Variants in MYCL observed in about 807,000 individuals in gnomAD.
MYCL encodes the protein MYCL proto-oncogene, bHLH transcription factor, also known as protein L-Myc.
A neutral mutation model predicts 31.0 loss-of-function variants in MYCL; 11 were observed. The observed-to-expected ratio is 0.35, with a 90% CI of 0.22 to 0.59. MYCL has a LOEUF of 0.59. Ranked by LOEUF, MYCL falls within the 20% of genes least tolerant of loss-of-function variation. MYCL has a pLI of 0.79. For missense variants in MYCL, 427 were observed against 486.1 expected (o/e 0.88, Z 1.14); for synonymous variants, 208 against 202.4 (o/e 1.03, Z -0.23).
In MYCL at chr1:39,896,081, C is replaced by T. The variant is rs976737023; in HGVS notation, c.*1291G>A. ...TGACTTTCCCAGACTAGAAGCTGCA[C>T]GTGGATTCCACTTGGAGCTGCCGAG... On this transcript the variant is annotated 3_prime_UTR_variant, in exon 2 of 2. Transcript: ENST00000372816. 7.2e-5 allele frequency: 15 copies of T among 208,260 alleles called. No individual in the cohort carries two copies. Among genetic ancestry groups the T allele is most frequent in the African/African-American group, 2.5e-4 (11 of 44,032 alleles). 12.9% of individuals were successfully genotyped at this position (208,260 alleles called of 1,614,324 possible). A position where few individuals can be genotyped will look rare whatever the true frequency, so the allele number is the denominator to read the frequency against.
rs1488633987 is a variant in MYCL at position 39,896,143 on chromosome 1, A to T, written c.*1229T>A. The T allele has an allele frequency of 9.2e-5, 19 of 207,058 alleles. No homozygotes were observed. In the East Asian group the frequency reaches 1.4e-3, roughly 15 times the overall value. The allele number at this position is 207,058 out of a possible 1,614,324, so 12.8% of individuals were successfully genotyped here. A position where few individuals can be genotyped will look rare whatever the true frequency, so the allele number is the denominator to read the frequency against. On this transcript the variant is annotated 3_prime_UTR_variant, in exon 2 of 2. Transcript: ENST00000372816. ...TAAAATCCATCATGGTTGGCTAAGCATATCTCCTGGAGGCTCCTTTAAAAC... is the reference window on the plus strand; with the variant it reads ...TAAAATCCATCATGGTTGGCTAAGCTTATCTCCTGGAGGCTCCTTTAAAAC...
rs1644543404 is a variant in MYCL at position 39,901,776 on chromosome 1, C to G, written c.-342G>C. The stretch of plus-strand genomic sequence containing the variant: ...TGCAGCCAGCCCGCACCGCGGGACC[C>G]GCGCCCGTGCCCTGGCCACCCGCAG... On this transcript the variant is annotated 5_prime_UTR_variant, in exon 1 of 2. Coordinates refer to ENST00000372816, the MANE Select transcript of MYCL (RefSeq NM_001033081.3). The surrounding 1 kb of genome is among the most constrained non-coding windows in gnomAD (Gnocchi z 6.9). The G allele has an allele frequency of 8.0e-7, 1 of 1,242,460 alleles. No homozygotes were observed. Among genetic ancestry groups the G allele is most frequent in the Non-Finnish European group, 1.0e-6 (1 of 986,434 alleles). The allele number at this position is 1,242,460 out of a possible 1,614,324, so 77.0% of individuals were successfully genotyped here.
Position 39,901,872 on chromosome 1 carries a change from C to A in MYCL, c.-438G>T. 1 of 1,209,812 alleles carries A rather than the reference C, an allele frequency of 8.3e-7. No individual in the cohort carries two copies. Among genetic ancestry groups the A allele is most frequent in the South Asian group, 2.5e-5 (1 of 39,244 alleles). 74.9% of individuals were successfully genotyped at this position (1,209,812 alleles called of 1,614,324 possible). A position where few individuals can be genotyped will look rare whatever the true frequency, so the allele number is the denominator to read the frequency against. ...CCGCCGGCTCGGGGCAGCCCGGCAG[C>A]CAGCACACACGCACATGCGCGCCGC... On this transcript the variant is annotated 5_prime_UTR_variant, in exon 1 of 2. Transcript: ENST00000372816. The surrounding 1 kb of genome is among the most constrained non-coding windows in gnomAD (Gnocchi z 6.9).
intron 1 of MYCL, chr1:39,898,670 G>A (rs899886796): frequency 1.0e-6 from 1 of 985,346 alleles, no homozygotes; most frequent in Non-Finnish European, 1.2e-6. Context: ...GGACTAGAAG[G>A]TTAGATTTGT....
chr1:39,897,885 G>T lies in MYCL; in HGVS notation c.582C>A (p.Asp194Glu), dbSNP rs544662303. ...AATGCTTCATGCAGGGATCCAGGGG[G>T]TCTGCTCGCACCGTGATGGTGACCG... Reference protein sequence around the residue: ...RKPVTITVRADPLDPCMKHFH... With the variant: ...RKPVTITVRAEPLDPCMKHFH... The change falls in exon 2 of 2, where the codon GAC becomes GAA. Residue 194 changes from aspartate to glutamate, a missense_variant. Transcript: ENST00000372816. The surrounding 1 kb of genome is among the most constrained non-coding windows in gnomAD (Gnocchi z 4.3). The T allele has an allele frequency of 3.8e-5, 61 of 1,614,158 alleles. No individual in the cohort carries two copies. Among genetic ancestry groups the T allele is most frequent in the Middle Eastern group, 1.6e-4 (1 of 6,062 alleles).
In MYCL at chr1:39,901,069, C is replaced by T. The variant is rs2124719902; in HGVS notation, c.366G>A (p.Pro122=). The change falls in exon 1 of 2, where the codon CCG becomes CCA. Residue 122 remains proline, a synonymous_variant. Transcript: ENST00000372816. This position sits in a 1 kb window ranked among gnomAD's most constrained non-coding sequence, Gnocchi z 6.9. ...RLAPGAPRGN[P]PKASAAPDCT... ...AGTCCGGGGCGGCGGACGCCTTGGG[C>T]GGGTTCCCCCGGGGCGCGCCAGGAG... The T allele has an allele frequency of 1.9e-6, 3 of 1,560,436 alleles. No homozygotes were observed. The highest frequency in any genetic ancestry group is 2.4e-5 in the South Asian group (2 of 84,976).
chr1:39,900,955 C>T lies in MYCL; in HGVS notation c.480G>A (p.Glu160=). ...GGTCCTTACCCGAGTCGCTTGGGCT[C>T]TCGGACCCGGAGCAGGCCTGGGTCT... ...EPKTQACSGS[E]SPSDSENEEI... is the part of the protein sequence containing the mutation. The change falls in exon 1 of 2, where the codon GAG becomes GAA. Residue 160 remains glutamate (E), a synonymous_variant. Coordinates refer to ENST00000372816, the MANE Select transcript of MYCL (RefSeq NM_001033081.3). The T allele has an allele frequency of 3.3e-6, 5 of 1,496,478 alleles. No homozygotes were observed. Among genetic ancestry groups the T allele is most frequent in the Non-Finnish European group, 4.4e-6 (5 of 1,124,022 alleles). 92.7% of individuals were successfully genotyped at this position (1,496,478 alleles called of 1,614,324 possible). A position where few individuals can be genotyped will look rare whatever the true frequency, so the allele number is the denominator to read the frequency against.
chr1:39,901,165 T>C lies in MYCL; in HGVS notation c.270A>G (p.Ile90Met). ...AGCCGCTCCACATGCAGTCACGGCG[T>C]ATGATGGAGGCGTAGTTCCTGCCCC... Reference protein sequence around the residue: ...KGWGRNYASIIRRDCMWSGFS... With the variant: ...KGWGRNYASIMRRDCMWSGFS... The change falls in exon 1 of 2, where the codon ATA (isoleucine) becomes ATG (methionine). Residue 90 changes from isoleucine to methionine, a missense_variant. By Grantham distance (10) the Ile-to-Met change is conservative. Coordinates refer to ENST00000372816, the MANE Select transcript of MYCL (RefSeq NM_001033081.3). This position sits in a 1 kb window ranked among gnomAD's most constrained non-coding sequence, Gnocchi z 6.9. The C allele has an allele frequency of 6.2e-7, 1 of 1,613,128 alleles. No homozygotes were observed. Among genetic ancestry groups the C allele is most frequent in the Non-Finnish European group, 8.5e-7 (1 of 1,179,650 alleles).
Position 39,897,784 on chromosome 1 carries a change from G to A in MYCL, c.683C>T (p.Ala228Val). 1 of 1,614,158 alleles carries A rather than the reference G, an allele frequency of 6.2e-7. No individual in the cohort carries two copies. Among genetic ancestry groups the A allele is most frequent in the Non-Finnish European group, 8.5e-7 (1 of 1,180,036 alleles). The part of the protein sequence containing the change: ...FPPESCSQEE[A>V]SERGPQEEVL... Reference sequence around the variant, plus strand: ...CTCTTCTTGGGGACCCCTCTCTGAAGCCTCTTCTTGGGAGCAGCTTTCTGG... The same window carrying A: ...CTCTTCTTGGGGACCCCTCTCTGAAACCTCTTCTTGGGAGCAGCTTTCTGG... The change falls in exon 2 of 2, where the codon GCT (alanine) becomes GTT (valine). Residue 228 changes from alanine (A) to valine (V), a missense_variant. Ala to Val is a moderately conservative substitution (Grantham distance 64, BLOSUM62 0). Transcript: ENST00000372816. The surrounding 1 kb of genome is among the most constrained non-coding windows in gnomAD (Gnocchi z 4.3).
At chr1:39,900,609 A>T (rs747618714) in intron 1 of MYCL, 66 of 1,239,076 alleles carry the variant, frequency 5.3e-5, no homozygotes, top group Non-Finnish European at 6.3e-5. Flanking sequence ...TCAGGTTTGG[A>T]GTGTCTCTTA....
rs185537589 is a variant in MYCL, at chr1:39,899,279, G to A, written c.497-1309C>T. ...AACTAGAAGCTCACAAACAGGTTCAGGTTAAAGGGTAGGTTAGAAAATGAT... is the reference window on the plus strand; with the variant it reads ...AACTAGAAGCTCACAAACAGGTTCAAGTTAAAGGGTAGGTTAGAAAATGAT... On this transcript the variant is annotated intron_variant, in intron 1 of 1. Transcript: ENST00000372816. Among the ~76,000 whole-genome samples, 148 of 152,330 alleles carry A rather than the reference G, an allele frequency of 9.7e-4. 3 individuals carry two copies. The Middle Eastern group carries it at 0.017, about 18-fold the overall frequency.
chr1:39,899,610 C>T (rs930058976), intron 1 of MYCL: 17 of 984,192 alleles, frequency 1.7e-5, no homozygotes, highest in African/African-American at 3.5e-5. Flanking sequence ...CTCCACCAGC[C>T]GTTGTAGAGA....
Position 39,901,139 on chromosome 1 carries a change from A to G in MYCL, c.296T>C (p.Phe99Ser), listed in dbSNP as rs1348380007. ...TCTCTCCAGCCGTTCCCGGGCCGAG[A>G]AGCCGCTCCACATGCAGTCACGGCG... ...IIRRDCMWSG[F>S]SARERLERAV... is the part of the protein sequence containing the mutation. Residue 99 changes from phenylalanine (F) to serine (S), a missense_variant, in exon 1 of 2, where the codon TTC (phenylalanine) becomes TCC (serine). Physicochemically the swap from Phe to Ser is radical, Grantham distance 155 (BLOSUM62 -2). Transcript: ENST00000372816. The surrounding 1 kb of genome is among the most constrained non-coding windows in gnomAD (Gnocchi z 6.9). 1 of 1,610,818 alleles carries G rather than the reference A, an allele frequency of 6.2e-7. No homozygotes were observed. The highest frequency in any genetic ancestry group is 8.5e-7 in the Non-Finnish European group (1 of 1,178,804).
In MYCL at chr1:39,900,923, T is replaced by G. The variant is rs1570186962; in HGVS notation, c.496+16A>C. The G allele has an allele frequency of 6.6e-7, 1 of 1,506,908 alleles. No homozygotes were observed. The highest frequency in any genetic ancestry group is 1.4e-5 in the African/African-American group (1 of 69,982). The allele number at this position is 1,506,908 out of a possible 1,614,324, so 93.3% of individuals were successfully genotyped here. On this transcript the variant is annotated intron_variant, in intron 1 of 1. Transcript: ENST00000372816. Reference sequence around the variant, plus strand: ...ATGGGGTGGCCCCCTCTTGGATGGCTCGGGGAGGTCCTTACCCGAGTCGCT... The same window carrying G: ...ATGGGGTGGCCCCCTCTTGGATGGCGCGGGGAGGTCCTTACCCGAGTCGCT...
rs1269029554 is a variant in MYCL, at chr1:39,895,799, C to T, written c.*1573G>A. The T allele has an allele frequency of 8.9e-6, 2 of 224,370 alleles. No homozygotes were observed. Among genetic ancestry groups the T allele is most frequent in the Non-Finnish European group, 1.8e-5 (2 of 112,482 alleles). The allele number at this position is 224,370 out of a possible 1,614,324, so 13.9% of individuals were successfully genotyped here. On this transcript the variant is annotated 3_prime_UTR_variant, in exon 2 of 2. Transcript: ENST00000372816. ...CTCCAGAAGGGTAGAGAGGCTATTT[C>T]CAAACATCCCCTGGGGTCCTCTGAG...
chr1:39,898,686 T>TAGA (rs1644506460), intron 1 of MYCL: 3 of 985,356 alleles, frequency 3.0e-6, no homozygotes, highest in Non-Finnish European at 3.6e-6. Context: ...TTTGTAATCA[T>TAGA]AGGTCGGCGA....
At chr1:39,900,510 G>A in intron 1 of MYCL, 3 of 1,089,870 alleles carry the variant, frequency 2.8e-6, no homozygotes, top group Non-Finnish European at 3.3e-6. Flanking sequence ...AAAGGACGAA[G>A]GTTTTGGCTT....
chr1:39,898,570 G>C (rs1460554116), intron 1 of MYCL: 20 of 800,398 alleles, frequency 2.5e-5, no homozygotes, highest in Non-Finnish European at 2.9e-5. Flanking sequence ...GGGAGGGAAA[G>C]GGTTTCCCTT....
rs760686575 is a variant in MYCL at position 39,897,429 on chromosome 1, C to T, written c.1038G>A (p.Gln346=). The change falls in exon 2 of 2, where the codon CAG becomes CAA. Residue 346 remains glutamine, a synonymous_variant. Transcript: ENST00000372816. The surrounding 1 kb of genome is among the most constrained non-coding windows in gnomAD (Gnocchi z 4.3). ...GCAACTGCTGCTGCCGGCATCGGAG[C>T]TGTCTTTTCTCTGTAGCCATCCTCT... is the stretch of plus-strand genomic sequence containing the variant. The part of the protein sequence containing the change: ...AEKRMATEKR[Q]LRCRQQQLQK... The T allele has an allele frequency of 1.9e-6, 3 of 1,612,412 alleles. No homozygotes were observed. Among genetic ancestry groups the T allele is most frequent in the Non-Finnish European group, 1.7e-6 (2 of 1,178,600 alleles).
Sources: gnomAD v4.1 joint callset for allele counts (sites outside exome capture counted in the v4.1 genomes callset) on GRCh38, gnomAD v4.1.1 for gene constraint, Gnocchi (gnomAD v3.1) non-coding constraint, MANE v1.5 for transcripts, NCBI Gene and HGNC (gene_info 2026-07-23, HGNC 2026-07-21) for gene names.